CDH15: variants seen among roughly 807,000 people sequenced by gnomAD.
CDH15 encodes cadherin 15, also known as cadherin-15.
CDH15 carries 73 observed loss-of-function variants against 69.4 expected under a neutral mutation model. The observed-to-expected ratio is 1.05, with a 90% CI of 0.87 to 1.28. CDH15 has a LOEUF of 1.28. Among genes scored for constraint, CDH15 ranks in the 50% most tolerant of loss-of-function variants. The pLI is 0.00. For missense variants in CDH15, 1,343 were observed against 1,133.6 expected (o/e 1.18, Z -2.65); for synonymous variants, 624 against 507.7 (o/e 1.23, Z -3.08).
At chr16:89,174,878 C>T (rs931354998) in intron 1 of CDH15, among the ~76,000 whole-genome samples, 3 of 152,184 alleles carry the variant, frequency 2.0e-5, no homozygotes, top group Admixed American at 6.5e-5. Context: ...GGGCTGGCTG[C>T]GTTGATGTGG....
At chr16:89,189,027 ACAG>A (rs1470262227) in intron 7 of CDH15, among the ~76,000 whole-genome samples, 4 of 146,408 alleles carry the variant, frequency 2.7e-5, no homozygotes, top group Non-Finnish European at 6.0e-5. Flanking sequence ...GTGCCCACAC[ACAG>A]ATGTTGGCAC....
intron 3 of CDH15, among the ~76,000 whole-genome samples, chr16:89,181,854 G>A (rs566853080): frequency 2.6e-5 from 4 of 151,556 alleles, no homozygotes; most frequent in South Asian, 2.1e-4. Flanking sequence ...CAGGAGAATC[G>A]CTGGAACCCG....
In CDH15 at chr16:89,190,467, C is replaced by T; in HGVS notation, c.1203C>T (p.Asp401=). ...GTLVATFSAR[D]PDTEQLQRLS... Reference sequence around the variant, plus strand: ...TGGTGGCCACCTTCTCTGCCCGGGACCCTGACACAGAGCAGCTGCAGAGGC... The same window carrying T: ...TGGTGGCCACCTTCTCTGCCCGGGATCCTGACACAGAGCAGCTGCAGAGGC... Residue 401 remains aspartate, a synonymous_variant, in exon 8 of 14, where the codon GAC becomes GAT. Transcript: ENST00000289746. 2 of 1,600,274 alleles carry T rather than the reference C, an allele frequency of 1.2e-6. No individual in the cohort carries two copies. Among genetic ancestry groups the T allele is most frequent in the Non-Finnish European group, 1.7e-6 (2 of 1,174,638 alleles).
chr16:89,179,675 T>C, intron 2 of CDH15, 101 bp downstream of exon 2: 2 of 1,240,518 alleles, frequency 1.6e-6, no homozygotes, highest in Non-Finnish European at 2.2e-6. Context: ...CGGGGCCCCA[T>C]TTCAGGACAG....
intron 1 of CDH15, among the ~76,000 whole-genome samples, chr16:89,175,870 G>C (rs1315313084): frequency 6.6e-6 from 1 of 152,238 alleles, no homozygotes; most frequent in Non-Finnish European, 1.5e-5. Flanking sequence ...GGAGGCCATG[G>C]AGGAGGGGAC....
At chr16:89,177,200 C>T (rs541980695) in intron 1 of CDH15, among the ~76,000 whole-genome samples, 17 of 151,866 alleles carry the variant, frequency 1.1e-4, no homozygotes, top group African/African-American at 3.9e-4. Flanking sequence ...GGAAGGGCCT[C>T]GGGTCTCTCA....
In CDH15 at chr16:89,190,585, C is replaced by CAG; in HGVS notation, c.1232+92_1232+93dup. ...CCCCTGATCCCTGGGCTCTGAGGGT[C>CAG]AGAGGGTGTAGGGGCCATTTGCTGT... On this transcript the variant is annotated intron_variant, in intron 8 of 13. Coordinates refer to ENST00000289746, the MANE Select transcript of CDH15 (RefSeq NM_004933.3). The CAG allele has an allele frequency of 2.7e-6, 4 of 1,499,574 alleles. No homozygotes were observed. The South Asian group carries it at 4.9e-5, about 18-fold the overall frequency. The allele number at this position is 1,499,574 out of a possible 1,614,324, so 92.9% of individuals were successfully genotyped here.
At chr16:89,172,708 T>A (rs1274781518) in intron 1 of CDH15, among the ~76,000 whole-genome samples, 1 of 152,110 alleles carries the variant, frequency 6.6e-6, no homozygotes, top group African/African-American at 2.4e-5. Flanking sequence ...CCTCACACCC[T>A]AGGGGGACCT....
chr16:89,178,984 G>A (rs780187953), intron 1 of CDH15, among the ~76,000 whole-genome samples: 3 of 152,184 alleles, frequency 2.0e-5, no homozygotes, highest in Admixed American at 6.5e-5. Context: ...CGTGTGCACC[G>A]CTACCCTGGC....
At chr16:89,180,843 C>T (rs140843686) in intron 3 of CDH15, among the ~76,000 whole-genome samples, 6,686 of 152,108 alleles carry the variant, frequency 0.044, 259 homozygotes, top group East Asian at 0.18. Flanking sequence ...CCTGCCTCAG[C>T]CTCCCGAGTA....
chr16:89,187,539 C>G lies in CDH15; in HGVS notation c.774C>G (p.Pro258=). Residue 258 remains proline, a synonymous_variant, in exon 6 of 14, where the codon CCC becomes CCG. Coordinates refer to ENST00000289746, the MANE Select transcript of CDH15 (RefSeq NM_004933.3). ...ITLDDINDNA[P]EFTRDEFFME... ...TTGATGACATCAATGACAATGCCCC[C>G]GAGTTCACCAGGGATGAGGTGCTGC... is the stretch of plus-strand genomic sequence containing the variant. The G allele has an allele frequency of 3.1e-6, 5 of 1,613,672 alleles. No individual in the cohort carries two copies. Among genetic ancestry groups the G allele is most frequent in the South Asian group, 1.1e-5 (1 of 91,090 alleles).
intron 5 of CDH15, among the ~76,000 whole-genome samples, chr16:89,187,121 G>A (rs150971248): frequency 8.6e-4 from 129 of 150,040 alleles, no homozygotes; most frequent in African/African-American, 2.8e-3. Context: ...CTCTGCAAAC[G>A]CTTACCCAGT....
At chr16:89,179,216 G>A (rs557480464) in intron 1 of CDH15, among the ~76,000 whole-genome samples, 200 bp from the exon 2 acceptor site, 68 of 152,332 alleles carry the variant, frequency 4.5e-4, no homozygotes, top group African/African-American at 1.5e-3. Context: ...TCAGTCCGAC[G>A]GGGGCGGGGC....
intron 1 of CDH15, among the ~76,000 whole-genome samples, chr16:89,177,010 C>T (rs1446446323): frequency 1.3e-5 from 2 of 152,096 alleles, no homozygotes; most frequent in Non-Finnish European, 2.9e-5. Flanking sequence ...GAGGCTGCCC[C>T]GTCTCTGCGT....
intron 10 of CDH15, 105 bp from the exon 11 acceptor site, chr16:89,192,100 C>G: frequency 7.1e-7 from 1 of 1,399,548 alleles, no homozygotes; most frequent in Non-Finnish European, 9.5e-7. Flanking sequence ...TGGGGGGGAC[C>G]CAGGCCCAGG....
intron 4 of CDH15, among the ~76,000 whole-genome samples, chr16:89,184,536 TAC>T (rs1043616518): frequency 6.6e-6 from 1 of 152,178 alleles, no homozygotes; most frequent in African/African-American, 2.4e-5. Flanking sequence ...GGCTCTGGCC[TAC>T]ACAGTCACAG....
At chr16:89,172,181 C>T (rs1349357300) in intron 1 of CDH15, among the ~76,000 whole-genome samples, 2 of 152,034 alleles carry the variant, frequency 1.3e-5, no homozygotes, top group African/African-American at 2.4e-5. Flanking sequence ...GAACCGCTGC[C>T]GGGGTCTGGG....
At chr16:89,190,125 G>C (rs1915602947) in intron 7 of CDH15, 118 bp from the exon 8 acceptor site, 6 of 1,211,072 alleles carry the variant, frequency 5.0e-6, no homozygotes. Flanking sequence ...GTTAAAAAGG[G>C]GCAGAAGGAA....
At chr16:89,191,933 G>T in intron 10 of CDH15, 39 bp downstream of exon 10, 1 of 1,468,544 alleles carries the variant, frequency 6.8e-7, no homozygotes, top group Non-Finnish European at 9.2e-7. Flanking sequence ...CCATCCCCAC[G>T]CTCCCCCCAC....
Sources: allele counts gnomAD v4.1 joint callset (sites outside exome capture counted in the v4.1 genomes callset), GRCh38; gene constraint gnomAD v4.1.1; transcripts MANE v1.5; gene names NCBI Gene and HGNC (gene_info 2026-07-23, HGNC 2026-07-21).